The following ZEB2 variants were observed in gnomAD, a reference collection of about 807,000 sequenced individuals.
The protein encoded by ZEB2 is zinc finger E-box-binding homeobox 2.
In ZEB2, 6 loss-of-function variants were observed where a neutral mutation model predicts 99.9. The observed-to-expected ratio is 0.06, with a 90% CI of 0.03 to 0.12. The LOEUF (loss-of-function observed/expected upper bound fraction) is 0.12. Among genes scored for constraint, ZEB2 ranks in the 10% least tolerant of loss-of-function variants. The pLI, the probability that ZEB2 is intolerant of heterozygous loss-of-function variation, is 1.00. For missense variants in ZEB2, 969 were observed against 1,502.8 expected (o/e 0.64, Z 5.87); for synonymous variants, 517 against 542.5 (o/e 0.95, Z 0.65).
chr2:144,424,698 T>G, intron 4 of ZEB2, 98 bp downstream of exon 4: 426 of 1,367,038 alleles, frequency 3.1e-4, no homozygotes, highest in Non-Finnish European at 4.0e-4. Context: ...TGTTAAGTCA[T>G]GGAGATACAA....
Position 144,389,976 on chromosome 2 carries a change from G to A in ZEB2, c.3120C>T (p.His1040=), listed in dbSNP as rs779249165. The A allele has an allele frequency of 1.2e-5, 19 of 1,605,704 alleles. No individual in the cohort carries two copies. In the East Asian group the frequency reaches 3.8e-4, roughly 32 times the overall value. ...GAAGCCTTGAGTGCTCGATAAGGTGGTGCTTGTGTTTAAACGCTTTCTTAC... is the reference window on the plus strand; with the variant it reads ...GAAGCCTTGAGTGCTCGATAAGGTGATGCTTGTGTTTAAACGCTTTCTTAC... ...QICKKAFKHK[H]HLIEHSRLHS... Residue 1040 remains histidine, a synonymous_variant, in exon 10 of 10, where the codon CAC becomes CAT. Transcript: ENST00000627532. The surrounding 1 kb of genome is among the most constrained non-coding windows in gnomAD (Gnocchi z 6.8).
chr2:144,441,910 G>T (rs889592364), intron 2 of ZEB2, among the ~76,000 whole-genome samples: 2 of 152,182 alleles, frequency 1.3e-5, no homozygotes, highest in Non-Finnish European at 2.9e-5. Context: ...TGCACAAAAT[G>T]ATACTAAGAG....
rs1477010525 is a variant in ZEB2, at chr2:144,398,566, T to G, written c.2621A>C (p.Asn874Thr). Reference sequence around the variant, plus strand: ...TGGGTTAGTGCTTTTGTTGTCCAGATTATTTGAATTTGAAAATTCCTTCTT... The same window carrying G: ...TGGGTTAGTGCTTTTGTTGTCCAGAGTATTTGAATTTGAAAATTCCTTCTT... ...FIKKEFSNSN[N>T]LDNKSTNPVF... Residue 874 changes from asparagine (N) to threonine (T), a missense_variant, in exon 8 of 10, where the codon AAT becomes ACT. Transcript: ENST00000627532. The G allele has an allele frequency of 2.5e-6, 4 of 1,614,050 alleles. No homozygotes were observed. The Middle Eastern group carries it at 4.9e-4, about 199-fold the overall frequency.
chr2:144,423,630 CT>C (rs1259061564), intron 4 of ZEB2, among the ~76,000 whole-genome samples: 2 of 152,212 alleles, frequency 1.3e-5, no homozygotes, highest in East Asian at 3.9e-4. Flanking sequence ...TGATTCTATA[CT>C]TTTTCTAGAA....
intron 2 of ZEB2, among the ~76,000 whole-genome samples, chr2:144,453,848 A>C (rs1486558996): frequency 6.6e-6 from 1 of 152,234 alleles, no homozygotes; most frequent in African/African-American, 2.4e-5. Flanking sequence ...CTAATGAGAG[A>C]GAGGTCCAAA....
chr2:144,515,100 G>T (rs1307871656), intron 2 of ZEB2, among the ~76,000 whole-genome samples: 1 of 152,180 alleles, frequency 6.6e-6, no homozygotes, highest in Non-Finnish European at 1.5e-5. Flanking sequence ...CCCGAAGGAG[G>T]TGGAAGGAGG....
At chr2:144,485,977 C>T (rs1390294372) in intron 2 of ZEB2, among the ~76,000 whole-genome samples, 2 of 152,174 alleles carry the variant, frequency 1.3e-5, no homozygotes, top group Non-Finnish European at 2.9e-5. Flanking sequence ...ATTTTAAACC[C>T]TCTCCTTGGA....
chr2:144,405,544 G>A (rs960930820), intron 4 of ZEB2, among the ~76,000 whole-genome samples: 14 of 151,604 alleles, frequency 9.2e-5, no homozygotes, highest in Middle Eastern at 3.2e-3. Flanking sequence ...AGACAGCCAG[G>A]ACTACATAGT....
At chr2:144,461,971 C>T (rs888813209) in intron 2 of ZEB2, 1 of 152,106 alleles carries the variant, frequency 6.6e-6, no homozygotes, top group African/African-American at 2.4e-5. Flanking sequence ...AGGAAATCCT[C>T]CACCCACCTC....
intron 2 of ZEB2, among the ~76,000 whole-genome samples, chr2:144,499,443 A>T (rs1704837477): frequency 6.6e-6 from 1 of 152,226 alleles, no homozygotes; most frequent in African/African-American, 2.4e-5. Context: ...AACGCTTGAA[A>T]TATAGTAAGT....
chr2:144,509,005 G>A (rs1341955059), intron 2 of ZEB2, among the ~76,000 whole-genome samples: 1 of 150,872 alleles, frequency 6.6e-6, no homozygotes, highest in African/African-American at 2.4e-5. Context: ...ACCACCATTT[G>A]GAGGGCTTAT....
intron 2 of ZEB2, among the ~76,000 whole-genome samples, chr2:144,452,194 G>A (rs77788372): frequency 7.2e-4 from 110 of 152,248 alleles, no homozygotes; most frequent in African/African-American, 2.4e-3. Flanking sequence ...CTTTGGACCT[G>A]ATATTTTCTT....
Position 144,396,821 on chromosome 2 carries a change from T to C in ZEB2, c.2887-229A>G, listed in dbSNP as rs527493817. Reference sequence around the variant, plus strand: ...GCCCTGGAAGGTAGATCTCACTGTTTTTTAAGGACAGGAAATGGTCAACTC... The same window carrying C: ...GCCCTGGAAGGTAGATCTCACTGTTCTTTAAGGACAGGAAATGGTCAACTC... On this transcript the variant is annotated intron_variant, in intron 8 of 9. Transcript: ENST00000627532. 2.6e-5 allele frequency among the ~76,000 whole-genome samples: 4 copies of C among 152,178 alleles called. No individual in the cohort carries two copies. In the East Asian group the frequency reaches 7.7e-4, roughly 29 times the overall value.
chr2:144,411,479 G>A (rs1374709223), intron 4 of ZEB2, among the ~76,000 whole-genome samples: 2 of 152,062 alleles, frequency 1.3e-5, no homozygotes, highest in African/African-American at 4.8e-5. Flanking sequence ...ATCATTAAAA[G>A]TGCATGTATG....
At chr2:144,406,041 A>T (rs933503834) in intron 4 of ZEB2, among the ~76,000 whole-genome samples, 21 of 152,182 alleles carry the variant, frequency 1.4e-4, no homozygotes, top group African/African-American at 5.1e-4. Context: ...AGTTTTTGAA[A>T]GCAGTTAACC....
chr2:144,505,299 A>C (rs1405301885), intron 2 of ZEB2, among the ~76,000 whole-genome samples: 1 of 152,226 alleles, frequency 6.6e-6, no homozygotes, highest in Non-Finnish European at 1.5e-5. Context: ...AACATTAGAA[A>C]ATAAAAAGCG....
chr2:144,422,749 G>A (rs970134512), intron 4 of ZEB2, among the ~76,000 whole-genome samples: 15 of 152,242 alleles, frequency 9.9e-5, no homozygotes, highest in African/African-American at 2.6e-4. Context: ...GCAGTGAGCC[G>A]AGATTGCACC....
At chr2:144,416,722 A>G (rs908579964) in intron 4 of ZEB2, among the ~76,000 whole-genome samples, 3 of 152,174 alleles carry the variant, frequency 2.0e-5, no homozygotes, top group African/African-American at 7.2e-5. Flanking sequence ...GTCTCCTTTT[A>G]CATTTCAGCC....
rs62169201 is a variant in ZEB2, at chr2:144,386,367, G to C, written c.*3084C>G. ...GATTATGCAGCCCTAATGTGCAATC[G>C]TGTCCAGCGGATAAATAGCATTAAA... On this transcript the variant is annotated 3_prime_UTR_variant, in exon 10 of 10. Transcript: ENST00000627532. 1.3e-5 allele frequency: 2 copies of C among 151,988 alleles called. No homozygotes were observed. The highest frequency in any genetic ancestry group is 2.9e-5 in the Non-Finnish European group (2 of 67,968). 9.4% of individuals were successfully genotyped at this position (151,988 alleles called of 1,614,324 possible).
Sources: allele counts gnomAD v4.1 joint callset (sites outside exome capture counted in the v4.1 genomes callset), GRCh38; gene constraint gnomAD v4.1.1; non-coding constraint Gnocchi (gnomAD v3.1); transcripts MANE v1.5; gene names NCBI Gene and HGNC (gene_info 2026-07-23, HGNC 2026-07-21).